The following KIF22 variants were observed in gnomAD, a reference collection of about 807,000 sequenced individuals.
KIF22 encodes kinesin family member 22.
Under a neutral mutation model 73.0 loss-of-function variants are expected in KIF22, and 62 were observed. That is an observed-to-expected ratio of 0.85 (90% CI 0.69 to 1.05). The LOEUF (loss-of-function observed/expected upper bound fraction) is 1.05, where lower values mean the gene tolerates loss of function less well. Among genes scored for constraint, KIF22 ranks in the 50% least tolerant of loss-of-function variants. The pLI, the probability that KIF22 is intolerant of heterozygous loss-of-function variation, is 0.00. For missense variants in KIF22, 854 were observed against 870.1 expected (o/e 0.98, Z 0.23); for synonymous variants, 411 against 340.1 (o/e 1.21, Z -2.29).
At position 29,799,821 on chromosome 16, in the gene KIF22, G is replaced by C. The variant is rs1471242275; in HGVS notation, c.1144+40G>C. 2.5e-6 allele frequency: 4 copies of C among 1,613,084 alleles called. No homozygotes were observed. The Admixed American group carries it at 6.7e-5, about 27-fold the overall frequency. On this transcript the variant is annotated intron_variant, in intron 7 of 13. Coordinates refer to ENST00000160827, the MANE Select transcript of KIF22 (RefSeq NM_007317.3). ...AGGCAGGAGTGGAAACGCTGGGTCTGGAAATTAGGGAGTTTGTTGAAACCA... is the reference window on the plus strand; with the variant it reads ...AGGCAGGAGTGGAAACGCTGGGTCTCGAAATTAGGGAGTTTGTTGAAACCA...
In KIF22 at chr16:29,797,693, A is replaced by G. The variant is rs1332020258; in HGVS notation, c.266+605A>G. The stretch of plus-strand genomic sequence containing the variant: ...TTGTAAAAGGAACACATGGCCCACA[A>G]AGCCTAAAATATGTACAATCTGCCT... On this transcript the variant is annotated intron_variant, in intron 2 of 13. Transcript: ENST00000160827. This position sits in a 1 kb window ranked among gnomAD's most constrained non-coding sequence, Gnocchi z 4.1. 6.6e-6 allele frequency among the ~76,000 whole-genome samples: 1 copy of G among 152,178 alleles called. No homozygotes were observed. Among genetic ancestry groups the G allele is most frequent in the Admixed American group, 6.5e-5 (1 of 15,280 alleles).
In KIF22 at chr16:29,799,976, G is replaced by A. The variant is rs780221407; in HGVS notation, c.1208G>A (p.Arg403Gln). ...GGTCCACCAGAGGCAAAGAGAGCCC[G>A]AGGCCCTGAGGAAGAGGAGATCGGG... ...LLGPPEAKRA[R>Q]GPEEEEIGSP... Residue 403 changes from arginine (R) to glutamine (Q), a missense_variant, in exon 8 of 14, where the codon CGA becomes CAA. Transcript: ENST00000160827. The A allele has an allele frequency of 8.1e-6, 13 of 1,614,136 alleles. No individual in the cohort carries two copies. The highest frequency in any genetic ancestry group is 1.7e-5 in the Admixed American group (1 of 60,020).
intron 8 of KIF22, among the ~76,000 whole-genome samples, chr16:29,801,532 G>A (rs942899180): frequency 1.3e-5 from 2 of 152,188 alleles, no homozygotes; most frequent in African/African-American, 4.8e-5. Context: ...CCCCACTGCT[G>A]TGTGCACCCA....
At position 29,800,015 on chromosome 16, in the gene KIF22, T is replaced by C. The variant is rs765568087; in HGVS notation, c.1247T>C (p.Met416Thr). Residue 416 changes from methionine to threonine, a missense_variant, in exon 8 of 14, where the codon ATG becomes ACG. By Grantham distance (81) the Met-to-Thr change is moderately conservative. This residue lies in a region of KIF22 where 423 missense variants were observed against 365.4 expected (regional missense o/e 1.16). Coordinates refer to ENST00000160827, the MANE Select transcript of KIF22 (RefSeq NM_007317.3). Reference sequence around the variant, plus strand: ...GAGGAGATCGGGAGCCCTGAGCCCATGGCAGCTCCAGCCTCTGCCTCCCAG... The same window carrying C: ...GAGGAGATCGGGAGCCCTGAGCCCACGGCAGCTCCAGCCTCTGCCTCCCAG... ...EEEEIGSPEP[M>T]AAPASASQKL... 2 of 1,613,486 alleles carry C rather than the reference T, an allele frequency of 1.2e-6. No individual in the cohort carries two copies. The highest frequency in any genetic ancestry group is 2.7e-5 in the African/African-American group (2 of 74,944).
chr16:29,803,496 G>C lies in KIF22; in HGVS notation c.1497G>C (p.Gln499His). The change falls in exon 10 of 14, where the codon CAG becomes CAC. Residue 499 changes from glutamine (Q) to histidine (H), a missense_variant. Physicochemically the swap from Gln to His is conservative, Grantham distance 24. Around this residue, in one of 3 missense-constraint regions of KIF22, gnomAD observed 423 missense variants for 365.4 expected, o/e 1.16. Coordinates refer to ENST00000160827, the MANE Select transcript of KIF22 (RefSeq NM_007317.3). Reference protein sequence around the residue: ...QKELEAKMLAQKAEEKENHCP... With the variant: ...QKELEAKMLAHKAEEKENHCP... ...AACTGGAGGCCAAGATGTTGGCCCA[G>C]AAGGCTGAGGAAAAGGAGAACCATT... is the stretch of plus-strand genomic sequence containing the variant. The C allele has an allele frequency of 6.2e-7, 1 of 1,614,206 alleles. No homozygotes were observed. Among genetic ancestry groups the C allele is most frequent in the Non-Finnish European group, 8.5e-7 (1 of 1,180,014 alleles).
rs772012520 is a variant in KIF22, at chr16:29,805,303, C to T, written c.1991C>T (p.Ala664Val). Residue 664 changes from alanine to valine, a missense_variant, in exon 14 of 14, where the codon GCC becomes GTC. Ala to Val is a moderately conservative substitution (Grantham distance 64, BLOSUM62 0). Coordinates refer to ENST00000160827, the MANE Select transcript of KIF22 (RefSeq NM_007317.3). ...LGLAAGQRCG[A>V]S ...CTCGCCGCCGGCCAGCGCTGTGGCG[C>T]CTCCTGACCGTCGTCTCCTCACTCC... The T allele has an allele frequency of 6.2e-7, 1 of 1,613,330 alleles. No homozygotes were observed. Among genetic ancestry groups the T allele is most frequent in the Admixed American group, 1.7e-5 (1 of 60,006 alleles).
At chr16:29,802,673 G>C in intron 8 of KIF22, 96 bp from the exon 9 acceptor site, 2 of 1,192,756 alleles carry the variant, frequency 1.7e-6, no homozygotes, top group South Asian at 3.3e-5. Flanking sequence ...TGGAGCTACA[G>C]GATATACCAA....
chr16:29,790,751 G>A lies in KIF22; in HGVS notation c.-9G>A, dbSNP rs376028234. Reference sequence around the variant, plus strand: ...CGAATGGGAGAGGCGGGCCCAAGGAGGGAGTGGAATGGCCGCGGGCGGCTC... The same window carrying A: ...CGAATGGGAGAGGCGGGCCCAAGGAAGGAGTGGAATGGCCGCGGGCGGCTC... On this transcript the variant is annotated 5_prime_UTR_variant, in exon 1 of 14. Transcript: ENST00000160827. 2.1e-4 allele frequency: 328 copies of A among 1,590,644 alleles called. No individual in the cohort carries two copies. In the African/African-American group the frequency reaches 3.8e-3, roughly 18 times the overall value.
chr16:29,796,129 G>A (rs887663319), intron 1 of KIF22, among the ~76,000 whole-genome samples: 1 of 151,998 alleles, frequency 6.6e-6, no homozygotes, highest in Admixed American at 6.6e-5. Flanking sequence ...AAACTAGCCA[G>A]GAGTGGTGTT....
intron 11 of KIF22, 39 bp downstream of exon 11, chr16:29,804,104 A>G (rs1362100628): frequency 1.3e-6 from 2 of 1,531,730 alleles, no homozygotes; most frequent in African/African-American, 1.4e-5. Context: ...CCTGGAGCCC[A>G]GAAGTAAGGG....
rs1899084991 is a variant in KIF22 at position 29,800,055 on chromosome 16, A to T, written c.1280+7A>T. Reference sequence around the variant, plus strand: ...CTGCCTCCCAGAAACTCAGGTGAGCAGTGGGGCCTTGGGTGTATCCCCTTC... The same window carrying T: ...CTGCCTCCCAGAAACTCAGGTGAGCTGTGGGGCCTTGGGTGTATCCCCTTC... On this transcript the variant is annotated splice_region_variant and intron_variant, in intron 8 of 13. Transcript: ENST00000160827. 1.9e-6 allele frequency: 3 copies of T among 1,608,408 alleles called. No individual in the cohort carries two copies. Among genetic ancestry groups the T allele is most frequent in the African/African-American group, 1.3e-5 (1 of 74,894 alleles).
chr16:29,798,313 TACACACACACACACAC>T lies in KIF22; in HGVS notation c.267-42_267-27del, dbSNP rs6145811. On this transcript the variant is annotated intron_variant, in intron 2 of 13. Transcript: ENST00000160827. The surrounding 1 kb of genome is among the most constrained non-coding windows in gnomAD (Gnocchi z 4.1). ...CCCACCCCCACCCCACTCCACCCCT[TACACACACACACACAC>T]ACACACACACACACACACGCTAATT... 1.1e-4 allele frequency: 138 copies of T among 1,241,624 alleles called. No homozygotes were observed. The highest frequency in any genetic ancestry group is 1.0e-3 in the South Asian group (64 of 64,140). 76.9% of individuals were successfully genotyped at this position (1,241,624 alleles called of 1,614,324 possible).
chr16:29,795,875 A>G (rs573457121), intron 1 of KIF22, among the ~76,000 whole-genome samples: 4 of 152,180 alleles, frequency 2.6e-5, no homozygotes, highest in Non-Finnish European at 5.9e-5. Flanking sequence ...CAGAACCCAC[A>G]TAATTCCCCA....
intron 1 of KIF22, among the ~76,000 whole-genome samples, chr16:29,795,616 T>C (rs1346148847): frequency 6.6e-6 from 1 of 152,198 alleles, no homozygotes; most frequent in African/African-American, 2.4e-5. Flanking sequence ...AATTCCACTA[T>C]GAGCTACAGT....
At chr16:29,794,616 C>G (rs966644911) in intron 1 of KIF22, among the ~76,000 whole-genome samples, 2 of 152,008 alleles carry the variant, frequency 1.3e-5, no homozygotes, top group Non-Finnish European at 2.9e-5. Context: ...CAGTCTTGCT[C>G]TGTCACCCAG....
rs1470942020 is a variant in KIF22, at chr16:29,799,491, G to A, written c.987G>A (p.Leu329=). ...PYRDSKLTRL[L]QDSLGGSAHS... ...GGGACAGCAAGCTCACTCGCCTATT[G>A]CAGGTCAGGCCCACCTGTCTCAGGG... The change falls in exon 6 of 14, where the codon TTG becomes TTA. Residue 329 remains leucine, a synonymous_variant. Transcript: ENST00000160827. The A allele has an allele frequency of 4.3e-6, 7 of 1,614,080 alleles. No homozygotes were observed. Among genetic ancestry groups the A allele is most frequent in the Non-Finnish European group, 5.9e-6 (7 of 1,179,974 alleles).
intron 1 of KIF22, among the ~76,000 whole-genome samples, chr16:29,795,213 T>C (rs1010694635): frequency 3.3e-5 from 5 of 152,208 alleles, no homozygotes; most frequent in African/African-American, 1.2e-4. Context: ...GCTCCTGACT[T>C]TCAGGATTGC....
rs1898995335 is a variant in KIF22, at chr16:29,797,974, G to C, written c.267-400G>C. Among the ~76,000 whole-genome samples the C allele has an allele frequency of 6.6e-6, 1 of 152,166 alleles. No homozygotes were observed. Among genetic ancestry groups the C allele is most frequent in the Non-Finnish European group, 1.5e-5 (1 of 68,036 alleles). ...CATTTGAAAAAGACTGGGAAGCCTT[G>C]CTTTTTTGCTATTCTTGATTCTCAG... On this transcript the variant is annotated intron_variant, in intron 2 of 13. Coordinates refer to ENST00000160827, the MANE Select transcript of KIF22 (RefSeq NM_007317.3). This position sits in a 1 kb window ranked among gnomAD's most constrained non-coding sequence, Gnocchi z 4.1.
chr16:29,801,600 TGGGCACATCA>T (rs1899140445), intron 8 of KIF22, among the ~76,000 whole-genome samples: 1 of 152,100 alleles, frequency 6.6e-6, no homozygotes, highest in African/African-American at 2.4e-5. Context: ...AGCTCAGAGT[TGGGCACATCA>T]AACCCAGCAG....
Sources: allele counts gnomAD v4.1 joint callset (sites outside exome capture counted in the v4.1 genomes callset), GRCh38; gene constraint gnomAD v4.1.1; regional missense constraint gnomAD v4.1.1; non-coding constraint Gnocchi (gnomAD v3.1); transcripts MANE v1.5; gene names NCBI Gene and HGNC (gene_info 2026-07-23, HGNC 2026-07-21).